The following NSUN3 variants were observed in gnomAD, a reference collection of about 807,000 sequenced individuals.
NSUN3 encodes the protein NOP2/Sun RNA methyltransferase 3.
A neutral mutation model predicts 36.8 loss-of-function variants in NSUN3; 24 were observed. The observed-to-expected ratio is 0.65, with a 90% CI of 0.47 to 0.92. NSUN3 has a LOEUF of 0.92. Among genes scored for constraint, NSUN3 ranks in the 40% least tolerant of loss-of-function variants. NSUN3 has a pLI of 0.00. For missense variants in NSUN3, 381 were observed against 392.8 expected (o/e 0.97, Z 0.25); for synonymous variants, 146 against 145.2 (o/e 1.01, Z -0.04).
chr3:94,112,443 C>T (rs989319567), intron 5 of NSUN3, among the ~76,000 whole-genome samples: 3 of 152,058 alleles, frequency 2.0e-5, no homozygotes, highest in Admixed American at 6.5e-5. Context: ...TCTAATATAA[C>T]GGAGAGAGAA....
At position 94,085,265 on chromosome 3, in the gene NSUN3, C is replaced by G. The variant is rs186096135; in HGVS notation, c.466+815C>G. 4.6e-5 allele frequency: 7 copies of G among 152,226 alleles called. No homozygotes were observed. In the East Asian group the frequency reaches 1.4e-3, roughly 29 times the overall value. 9.4% of individuals were successfully genotyped at this position (152,226 alleles called of 1,614,324 possible). On this transcript the variant is annotated intron_variant, in intron 3 of 5. Coordinates refer to ENST00000314622, the MANE Select transcript of NSUN3 (RefSeq NM_022072.5). ...AACAAGTCAACATTTACAATTTTTA[C>G]AATATTTACAAAATTTACAATTTTT...
At chr3:94,080,182 G>T (rs1292237826) in intron 2 of NSUN3, among the ~76,000 whole-genome samples, 1 of 152,118 alleles carries the variant, frequency 6.6e-6, no homozygotes, top group East Asian at 1.9e-4. Flanking sequence ...TCTGCTGCAG[G>T]TCTGCTGGAG....
intron 3 of NSUN3, among the ~76,000 whole-genome samples, chr3:94,091,646 T>G (rs1051366465): frequency 4.6e-5 from 7 of 152,216 alleles, no homozygotes; most frequent in African/African-American, 1.7e-4. Flanking sequence ...AGCTTAGATT[T>G]TTCTTAACAC....
At chr3:94,073,217 G>A (rs1344660708) in intron 2 of NSUN3, among the ~76,000 whole-genome samples, 2 of 152,188 alleles carry the variant, frequency 1.3e-5, no homozygotes, top group African/African-American at 2.4e-5. Flanking sequence ...GGACATTTGG[G>A]TTTGTAACAA....
chr3:94,076,712 T>G, intron 2 of NSUN3: 1 of 1,313,688 alleles, frequency 7.6e-7, no homozygotes, highest in Non-Finnish European at 1.1e-6. Context: ...ATGTTTTGTA[T>G]AGTCCAAGAT....
chr3:94,071,255 G>A (rs942729285), intron 2 of NSUN3, among the ~76,000 whole-genome samples: 1 of 152,112 alleles, frequency 6.6e-6, no homozygotes, highest in Non-Finnish European at 1.5e-5. Flanking sequence ...AACACTTAGA[G>A]ATTTAAGACC....
rs2077189680 is a variant in NSUN3 at position 94,063,365 on chromosome 3, C to T, written c.12+227C>T. The T allele has an allele frequency of 5.6e-6, 3 of 536,280 alleles. No homozygotes were observed. In the Admixed American group the frequency reaches 9.2e-5, roughly 16 times the overall value. 33.2% of individuals were successfully genotyped at this position (536,280 alleles called of 1,614,324 possible). ...GACTTCTAGTACCCACTCCCTCCAG[C>T]TCTTGGAGGGCTGAGATTTGTTTTC... On this transcript the variant is annotated intron_variant, in intron 1 of 5. Coordinates refer to ENST00000314622, the MANE Select transcript of NSUN3 (RefSeq NM_022072.5).
At chr3:94,071,487 A>G (rs2077224627) in intron 2 of NSUN3, among the ~76,000 whole-genome samples, 1 of 152,248 alleles carries the variant, frequency 6.6e-6, no homozygotes, top group Non-Finnish European at 1.5e-5. Context: ...CAAAATCATT[A>G]TGATATTTAG....
intron 5 of NSUN3, among the ~76,000 whole-genome samples, chr3:94,103,586 C>A (rs1260028711): frequency 1.3e-5 from 2 of 151,256 alleles, no homozygotes; most frequent in African/African-American, 4.9e-5. Context: ...TTATTTATTA[C>A]CCTTGGCTGC....
intron 5 of NSUN3, among the ~76,000 whole-genome samples, chr3:94,108,402 C>T (rs2077400322): frequency 6.6e-6 from 1 of 152,146 alleles, no homozygotes; most frequent in Admixed American, 6.5e-5. Context: ...TGCTCTGTTG[C>T]CAGGCTGGAG....
At chr3:94,103,428 A>C (rs2077373769) in intron 5 of NSUN3, among the ~76,000 whole-genome samples, 1 of 151,828 alleles carries the variant, frequency 6.6e-6, no homozygotes, top group Non-Finnish European at 1.5e-5. Context: ...TGTTTAATAC[A>C]CAATATTATT....
At position 94,103,768 on chromosome 3, in the gene NSUN3, A is replaced by G. The variant is rs187556964; in HGVS notation, c.743+8614A>G. 1.6e-3 allele frequency among the ~76,000 whole-genome samples: 240 copies of G among 152,318 alleles called. 4 individuals carry two copies. Among genetic ancestry groups the G allele is most frequent in the Non-Finnish European group, 2.8e-3 (189 of 68,036 alleles). ...CTCCTTTCCTTACACGATCTGATTAATGCAAGAAATAGTACAAAAATGTAT... is the reference window on the plus strand; with the variant it reads ...CTCCTTTCCTTACACGATCTGATTAGTGCAAGAAATAGTACAAAAATGTAT... On this transcript the variant is annotated intron_variant, in intron 5 of 5. Transcript: ENST00000314622.
chr3:94,105,384 C>T (rs2077384665), intron 5 of NSUN3, among the ~76,000 whole-genome samples: 1 of 152,180 alleles, frequency 6.6e-6, no homozygotes, highest in Non-Finnish European at 1.5e-5. Context: ...CCACTCACTA[C>T]AGGAATTTGA....
intron 5 of NSUN3, among the ~76,000 whole-genome samples, chr3:94,110,972 C>CT (rs1215152271): frequency 6.6e-6 from 1 of 152,050 alleles, no homozygotes; most frequent in Non-Finnish European, 1.5e-5. Context: ...TGGCCATCTA[C>CT]TAATTACCTG....
Position 94,064,425 on chromosome 3 carries a change from T to C in NSUN3, c.13-12T>C, listed in dbSNP as rs1172161542. The C allele has an allele frequency of 6.4e-7, 1 of 1,573,276 alleles. No homozygotes were observed. Among genetic ancestry groups the C allele is most frequent in the Non-Finnish European group, 8.7e-7 (1 of 1,143,278 alleles). ...ATCACTGTGTGTCAGCAACTTTTTC[T>C]TATCGTCATAGCTGAAAGCAAAATC... is the stretch of plus-strand genomic sequence containing the variant. On this transcript the variant is annotated splice_polypyrimidine_tract_variant and intron_variant, in intron 1 of 5. Coordinates refer to ENST00000314622, the MANE Select transcript of NSUN3 (RefSeq NM_022072.5).
chr3:94,093,821 C>A (rs1330949908), intron 3 of NSUN3, among the ~76,000 whole-genome samples: 1 of 152,156 alleles, frequency 6.6e-6, no homozygotes, highest in East Asian at 1.9e-4. Context: ...TATAACATAT[C>A]TTTAGGAATT....
In NSUN3 at chr3:94,126,438, G is replaced by A. The variant is rs754460589; in HGVS notation, c.971G>A (p.Gly324Asp). 5 of 1,613,814 alleles carry A rather than the reference G, an allele frequency of 3.1e-6. No homozygotes were observed. In the Admixed American group the frequency reaches 6.7e-5, roughly 22 times the overall value. ...ATTCCAGATAAGGGCAAAGCCTGGG[G>A]CCCAATGTATGTAGCCAAATTGAAG... ...LVIPDKGKAWGPMYVAKLKKS... is the reference protein window; with the variant it reads ...LVIPDKGKAWDPMYVAKLKKS... Residue 324 changes from glycine (G) to aspartate (D), a missense_variant, in exon 6 of 6, where the codon GGC becomes GAC. Transcript: ENST00000314622.
At chr3:94,108,799 G>GAGATTAT (rs1365120312) in intron 5 of NSUN3, among the ~76,000 whole-genome samples, 1 of 152,144 alleles carries the variant, frequency 6.6e-6, no homozygotes, top group African/African-American at 2.4e-5. Context: ...CCAAGTAGCT[G>GAGATTAT]AGATTATAGG....
At chr3:94,124,148 C>G (rs1308931206) in intron 5 of NSUN3, among the ~76,000 whole-genome samples, 2 of 88,186 alleles carry the variant, frequency 2.3e-5, no homozygotes, top group Admixed American at 1.5e-4. Flanking sequence ...TATTTTATTT[C>G]TTTTTTTTTT....
Sources: gnomAD v4.1 joint callset for allele counts (sites outside exome capture counted in the v4.1 genomes callset) on GRCh38, gnomAD v4.1.1 for gene constraint, MANE v1.5 for transcripts, NCBI Gene and HGNC (gene_info 2026-07-23, HGNC 2026-07-21) for gene names.